Variants in ZNF14 observed in about 807,000 individuals in gnomAD.
ZNF14 encodes gonadotropin inducible transcription repressor-4.
ZNF14 carries 9 observed loss-of-function variants against 11.3 expected under a neutral mutation model. The observed-to-expected ratio is 0.80, with a 90% CI of 0.48 to 1.39. The LOEUF (loss-of-function observed/expected upper bound fraction) is 1.39. Ranked by LOEUF, ZNF14 falls within the 40% of genes most tolerant of loss-of-function variation. The pLI is 0.00. For synonymous variants in ZNF14, 239 were observed against 245.7 expected, an observed-to-expected ratio of 0.97 and a Z score of 0.25; for missense variants, 711 against 763.9, an observed-to-expected ratio of 0.93 and a Z score of 0.82.
rs772904339 is a variant in ZNF14, at chr19:19,712,284, G to A, written c.997C>T (p.Arg333Ter). 3.2e-5 allele frequency: 51 copies of A among 1,613,380 alleles called. 1 individual carries two copies. The highest frequency in any genetic ancestry group is 3.7e-5 in the Non-Finnish European group (44 of 1,179,942). ...RAHVIIHTGA[R>*]PYKCKECGKA... ...CCACATTCTTTACATTTATAAGGTC[G>A]AGCCCCAGTGTGTATTATTACATGT... The change falls in exon 4 of 4, where the codon CGA becomes TGA. Residue 333 changes from arginine (R) to a stop codon, truncating the protein, a stop_gained. Coordinates refer to ENST00000344099, the MANE Select transcript of ZNF14 (RefSeq NM_021030.3). LOFTEE classifies it low-confidence loss of function (END_TRUNC).
At chr19:19,716,296 T>C (rs1221192955) in intron 1 of ZNF14, among the ~76,000 whole-genome samples, 1 of 152,144 alleles carries the variant, frequency 6.6e-6, no homozygotes, top group East Asian at 1.9e-4. Context: ...ATTTATTTTA[T>C]TTCATTTGTT....
chr19:19,730,533 T>A (rs1385968196), intron 1 of ZNF14, among the ~76,000 whole-genome samples: 1 of 152,200 alleles, frequency 6.6e-6, no homozygotes, highest in African/African-American at 2.4e-5. Flanking sequence ...CTATTTACAT[T>A]AATAAACTTG....
chr19:19,722,270 A>G (rs545750605), intron 1 of ZNF14, among the ~76,000 whole-genome samples: 1 of 152,266 alleles, frequency 6.6e-6, no homozygotes, highest in East Asian at 1.9e-4. Context: ...AAGATCTCCT[A>G]TGTCTCACCT....
rs1405797202 is a variant in ZNF14, at chr19:19,712,030, T to C, written c.1251A>G (p.Lys417=). 3.1e-6 allele frequency: 5 copies of C among 1,613,876 alleles called. No homozygotes were observed. Among genetic ancestry groups the C allele is most frequent in the Non-Finnish European group, 4.2e-6 (5 of 1,179,990 alleles). Residue 417 remains lysine (K), a synonymous_variant, in exon 4 of 4, where the codon AAA becomes AAG. Transcript: ENST00000344099. ...REHETTHTGE[K]PYECKQCGKT... ...TACCACATTGTTTACATTCATAGGG[T>C]TTCTCTCCAGTGTGAGTTGTTTCGT...
chr19:19,719,278 G>GA, intron 1 of ZNF14, among the ~76,000 whole-genome samples: 1 of 152,174 alleles, frequency 6.6e-6, no homozygotes, highest in East Asian at 1.9e-4. Flanking sequence ...CTACAAAAAA[G>GA]AAAAACGATA....
intron 1 of ZNF14, among the ~76,000 whole-genome samples, chr19:19,730,419 A>ACAAT (rs2062419818): frequency 1.3e-5 from 2 of 152,226 alleles, no homozygotes; most frequent in African/African-American, 4.8e-5. Context: ...TATCTCACAG[A>ACAAT]CAATGAAATA....
intron 1 of ZNF14, among the ~76,000 whole-genome samples, chr19:19,729,376 CGCAATCTCAGCTCGCT>C (rs2062416689): frequency 6.6e-6 from 1 of 150,788 alleles, no homozygotes; most frequent in Non-Finnish European, 1.5e-5. Flanking sequence ...AGTGCAATGG[CGCAATCTCAGCTCGCT>C]GCAACCTCAG....
chr19:19,729,973 C>T (rs1018202606), intron 1 of ZNF14, among the ~76,000 whole-genome samples: 2 of 152,286 alleles, frequency 1.3e-5, no homozygotes, highest in African/African-American at 4.8e-5. Flanking sequence ...CATAATTCAA[C>T]ACATACTAAA....
At chr19:19,716,892 A>G (rs2062379314) in intron 1 of ZNF14, among the ~76,000 whole-genome samples, 1 of 152,178 alleles carries the variant, frequency 6.6e-6, no homozygotes, top group Admixed American at 6.5e-5. Context: ...ACAAAAGCCC[A>G]ACCTACTATG....
chr19:19,714,693 T>C (rs1218225633), intron 1 of ZNF14, among the ~76,000 whole-genome samples: 5 of 145,344 alleles, frequency 3.4e-5, no homozygotes, highest in Admixed American at 6.9e-5. Context: ...TCTATTTTTT[T>C]CTTTTTCCTT....
At chr19:19,724,498 C>T (rs1434054508) in intron 1 of ZNF14, among the ~76,000 whole-genome samples, 1 of 133,634 alleles carries the variant, frequency 7.5e-6, no homozygotes, top group Admixed American at 7.4e-5. Flanking sequence ...TGCTTTACTT[C>T]CAACTATGTG....
chr19:19,714,238 G>A, intron 2 of ZNF14, 87 bp from the exon 3 acceptor site: 1 of 1,584,880 alleles, frequency 6.3e-7, no homozygotes, highest in Non-Finnish European at 8.6e-7. Flanking sequence ...AGCTGTGACT[G>A]TCTGATTCAA....
chr19:19,732,577 G>A (rs2062427207), intron 1 of ZNF14, among the ~76,000 whole-genome samples: 1 of 152,250 alleles, frequency 6.6e-6, no homozygotes, highest in Admixed American at 6.5e-5. Flanking sequence ...CACAAGTGAG[G>A]AAACGCACCC....
At chr19:19,714,291 A>G (rs979973315) in intron 2 of ZNF14, 70 bp downstream of exon 2, 76 of 1,605,822 alleles carry the variant, frequency 4.7e-5, no homozygotes, top group Non-Finnish European at 6.3e-5. Flanking sequence ...CTTGGAACAC[A>G]GCTGTTGAGC....
intron 1 of ZNF14, among the ~76,000 whole-genome samples, chr19:19,719,426 T>C (rs2145098325): frequency 6.6e-6 from 1 of 152,332 alleles, no homozygotes; most frequent in South Asian, 2.1e-4. Flanking sequence ...ATACGTATGG[T>C]AGCAATGTTA....
chr19:19,710,606 C>T lies in ZNF14; in HGVS notation c.*746G>A, dbSNP rs1773348042. 6.6e-6 allele frequency: 1 copy of T among 152,182 alleles called. No homozygotes were observed. The highest frequency in any genetic ancestry group is 1.5e-5 in the Non-Finnish European group (1 of 68,030). The allele number at this position is 152,182 out of a possible 1,614,324, so 9.4% of individuals were successfully genotyped here. A position where few individuals can be genotyped will look rare whatever the true frequency, so the allele number is the denominator to read the frequency against. On this transcript the variant is annotated 3_prime_UTR_variant, in exon 4 of 4. Coordinates refer to ENST00000344099, the MANE Select transcript of ZNF14 (RefSeq NM_021030.3). ...ACAAAAGAACTAGGATGAAGAATTT[C>T]CCACATTCTTAATATTTATAGGGTT...
intron 1 of ZNF14, among the ~76,000 whole-genome samples, chr19:19,719,014 C>T (rs2062385280): frequency 6.6e-6 from 1 of 152,146 alleles, no homozygotes; most frequent in Non-Finnish European, 1.5e-5. Flanking sequence ...GATCTGCCCA[C>T]CTCGACCTCC....
chr19:19,724,598 C>T (rs1027231067), intron 1 of ZNF14, among the ~76,000 whole-genome samples: 6 of 133,278 alleles, frequency 4.5e-5, no homozygotes, highest in African/African-American at 1.4e-4. Context: ...TCTATTAGGT[C>T]TGCTTGGTGC....
At position 19,712,973 on chromosome 19, in the gene ZNF14, T is replaced by C. The variant is rs1346169549; in HGVS notation, c.308A>G (p.His103Arg). ...GTCTCTTCCACAAAAGCTGCATTCATGTGGTTTTGCTCCAGTAAAAGTTTC... is the reference window on the plus strand; with the variant it reads ...GTCTCTTCCACAAAAGCTGCATTCACGTGGTTTTGCTCCAGTAAAAGTTTC... ...NKETFTGAKPHECSFCGRDFI... is the reference protein window; with the variant it reads ...NKETFTGAKPRECSFCGRDFI... The change falls in exon 4 of 4, where the codon CAT (histidine) becomes CGT (arginine). Residue 103 changes from histidine (H) to arginine (R), a missense_variant. Coordinates refer to ENST00000344099, the MANE Select transcript of ZNF14 (RefSeq NM_021030.3). 1.2e-6 allele frequency: 2 copies of C among 1,614,160 alleles called. No individual in the cohort carries two copies. Among genetic ancestry groups the C allele is most frequent in the South Asian group, 1.1e-5 (1 of 91,080 alleles).
Sources: allele counts gnomAD v4.1 joint callset (sites outside exome capture counted in the v4.1 genomes callset), GRCh38; gene constraint gnomAD v4.1.1; transcripts MANE v1.5; gene names NCBI Gene and HGNC (gene_info 2026-07-23, HGNC 2026-07-21).